STK33: variants seen among roughly 807,000 people sequenced by gnomAD.
The protein encoded by STK33 is serine/threonine kinase 33, also known as serine/threonine-protein kinase 33.
A neutral mutation model predicts 58.0 loss-of-function variants in STK33; 52 were observed. That is an observed-to-expected ratio of 0.90 (90% CI 0.72 to 1.13). STK33 has a LOEUF of 1.13. Ranked by LOEUF, STK33 falls within the 50% of genes most tolerant of loss-of-function variation. The pLI, the probability that STK33 is intolerant of heterozygous loss-of-function variation, is 0.00. For synonymous variants in STK33, 215 were observed against 200.1 expected, an observed-to-expected ratio of 1.07 and a Z score of -0.63; for missense variants, 630 against 604.2, an observed-to-expected ratio of 1.04 and a Z score of -0.45.
At chr11:8,571,649 C>A (rs1025989953) in intron 1 of STK33, among the ~76,000 whole-genome samples, 1 of 151,840 alleles carries the variant, frequency 6.6e-6, no homozygotes, top group African/African-American at 2.4e-5. Context: ...CTGGCTAACA[C>A]GGTGAAACCT....
At chr11:8,517,393 G>A (rs1952900258) in intron 1 of STK33, among the ~76,000 whole-genome samples, 1 of 152,232 alleles carries the variant, frequency 6.6e-6, no homozygotes, top group African/African-American at 2.4e-5. Flanking sequence ...AACCAGAGCA[G>A]AAAAGCTGAA....
intron 1 of STK33, among the ~76,000 whole-genome samples, chr11:8,584,839 A>C (rs943426878): frequency 5.3e-5 from 8 of 152,312 alleles, no homozygotes; most frequent in African/African-American, 1.9e-4. Context: ...TCTAGACAGG[A>C]TGCTATATGA....
chr11:8,434,503 G>A (rs1347700751), intron 14 of STK33, among the ~76,000 whole-genome samples: 2 of 152,054 alleles, frequency 1.3e-5, no homozygotes, highest in African/African-American at 4.8e-5. Context: ...TTTGAGTATT[G>A]TATTAATTGA....
chr11:8,362,836 ATCCCTCTCTTTCTGCCTCTCTCCC>A, the STK33 span, among the ~76,000 whole-genome samples: 1 of 144,990 alleles, frequency 6.9e-6, no homozygotes, highest in Non-Finnish European at 1.5e-5. Flanking sequence ...TCCTCCCTCC[ATCCCTCTCTTTCTGCCTCTCTCCC>A]TCCCTCTCTT....
chr11:8,370,631 G>T, the STK33 span, among the ~76,000 whole-genome samples: 1 of 152,102 alleles, frequency 6.6e-6, no homozygotes, highest in Non-Finnish European at 1.5e-5. Context: ...CTCCAACAGG[G>T]GACCTCAGTG....
intron 1 of STK33, among the ~76,000 whole-genome samples, chr11:8,483,307 A>C (rs2028882): frequency 0.55 from 83,723 of 151,738 alleles, 23,492 homozygotes; most frequent in African/African-American, 0.66. Context: ...AGGTGGTTTC[A>C]ATTTGAAGGC....
intron 1 of STK33, among the ~76,000 whole-genome samples, chr11:8,532,897 TGCTCCAAAG>T (rs1179566993): frequency 6.6e-6 from 1 of 152,242 alleles, no homozygotes. Flanking sequence ...TATCAGATTT[TGCTCCAAAG>T]GCTATGGAAG....
At chr11:8,544,212 C>T (rs1449901773) in intron 1 of STK33, among the ~76,000 whole-genome samples, 3 of 151,204 alleles carry the variant, frequency 2.0e-5, no homozygotes, top group Non-Finnish European at 4.4e-5. Context: ...TTCCTGTGTC[C>T]ATGTGTTCTC....
At chr11:8,464,200 A>G (rs1406397390) in intron 7 of STK33, among the ~76,000 whole-genome samples, 1 of 152,188 alleles carries the variant, frequency 6.6e-6, no homozygotes, top group Non-Finnish European at 1.5e-5. Context: ...GAGGAAATCT[A>G]GTGAGGAGTG....
At chr11:8,498,999 T>C (rs544687235) in intron 1 of STK33, among the ~76,000 whole-genome samples, 60 of 152,188 alleles carry the variant, frequency 3.9e-4, no homozygotes, top group Middle Eastern at 3.4e-3. Flanking sequence ...ACCTAGCCAA[T>C]ACCATTCAGG....
chr11:8,393,859 T>C (rs1848915164), intron 15 of STK33, among the ~76,000 whole-genome samples: 1 of 152,200 alleles, frequency 6.6e-6, no homozygotes, highest in African/African-American at 2.4e-5. Flanking sequence ...GCAATAAAAC[T>C]CTGGGTCCTG....
intron 1 of STK33, among the ~76,000 whole-genome samples, chr11:8,503,426 T>C (rs7949988): frequency 0.55 from 83,733 of 151,854 alleles, 23,459 homozygotes; most frequent in African/African-American, 0.66. Context: ...TGAGTACACA[T>C]GGACACAAAG....
In STK33 at chr11:8,392,294, A is replaced by G; in HGVS notation, c.*216T>C. 2 of 589,676 alleles carry G rather than the reference A, an allele frequency of 3.4e-6. No homozygotes were observed. The highest frequency in any genetic ancestry group is 4.5e-5 in the South Asian group (2 of 44,012). The allele number at this position is 589,676 out of a possible 1,614,324, so 36.5% of individuals were successfully genotyped here. A position where few individuals can be genotyped will look rare whatever the true frequency, so the allele number is the denominator to read the frequency against. On this transcript the variant is annotated 3_prime_UTR_variant, in exon 16 of 16. Coordinates refer to ENST00000687296, the MANE Select transcript of STK33 (RefSeq NM_001352389.2). The stretch of plus-strand genomic sequence containing the variant: ...TGATTTCCACTGCAGCCCACTGCCA[A>G]GCCTACTGGTGGCTGTCCTTTAATG...
intron 1 of STK33, among the ~76,000 whole-genome samples, chr11:8,520,236 C>G (rs184014697): frequency 1.3e-5 from 2 of 152,246 alleles, no homozygotes; most frequent in East Asian, 3.9e-4. Context: ...GAGCCAAAGA[C>G]AAAAACCACA....
At chr11:8,488,061 G>A (rs1950312798) in intron 1 of STK33, among the ~76,000 whole-genome samples, 1 of 152,108 alleles carries the variant, frequency 6.6e-6, no homozygotes, top group African/African-American at 2.4e-5. Context: ...TGGAGCTAGG[G>A]CTCTTTCAAA....
At chr11:8,498,639 A>C (rs936668123) in intron 1 of STK33, among the ~76,000 whole-genome samples, 2 of 152,160 alleles carry the variant, frequency 1.3e-5, no homozygotes, top group African/African-American at 4.8e-5. Flanking sequence ...AATCCTAAGC[A>C]AAAAGAACAA....
chr11:8,366,342 G>A, the STK33 span, among the ~76,000 whole-genome samples: 1 of 152,192 alleles, frequency 6.6e-6, no homozygotes, highest in South Asian at 2.1e-4. Context: ...CCACTTCTTG[G>A]TCTCAGTCTC....
chr11:8,406,142 CAAAAAAAA>C (rs59336494), intron 15 of STK33, among the ~76,000 whole-genome samples: 105 of 94,696 alleles, frequency 1.1e-3, no homozygotes, highest in African/African-American at 2.0e-3. Context: ...GACTCCGTCT[CAAAAAAAA>C]AAAAAAAAAA....
At chr11:8,565,030 G>C (rs1295947272) in intron 1 of STK33, among the ~76,000 whole-genome samples, 1 of 152,156 alleles carries the variant, frequency 6.6e-6, no homozygotes, top group African/African-American at 2.4e-5. Flanking sequence ...TTTTAGGTTT[G>C]CCCACTACTC....
Sources: gnomAD v4.1 joint callset for allele counts (sites outside exome capture counted in the v4.1 genomes callset) on GRCh38, gnomAD v4.1.1 for gene constraint, MANE v1.5 for transcripts, NCBI Gene and HGNC (gene_info 2026-07-23, HGNC 2026-07-21) for gene names.